ATXN2: variants seen among roughly 807,000 people sequenced by gnomAD.
ATXN2 encodes the protein ataxin-2.
In ATXN2, 37 loss-of-function variants were observed where a neutral mutation model predicts 138.6. That is an observed-to-expected ratio of 0.27 (90% confidence interval 0.21 to 0.35). The LOEUF (loss-of-function observed/expected upper bound fraction) is 0.35, where lower values mean the gene tolerates loss of function less well. Ranked by LOEUF, ATXN2 falls within the 10% of genes least tolerant of loss-of-function variation. ATXN2 has a pLI of 1.00. For synonymous variants in ATXN2, 549 were observed against 543.7 expected, an observed-to-expected ratio of 1.01 and a Z score of -0.13; for missense variants, 1,216 against 1,480.3, an observed-to-expected ratio of 0.82 and a Z score of 2.93.
intron 10 of ATXN2, among the ~76,000 whole-genome samples, chr12:111,514,685 A>C (rs2135735157): frequency 6.6e-6 from 1 of 151,940 alleles, no homozygotes; most frequent in Non-Finnish European, 1.5e-5. Flanking sequence ...ACGAGGTTTC[A>C]CCATGTTGGC....
At chr12:111,507,649 T>C (rs1039834570) in intron 14 of ATXN2, among the ~76,000 whole-genome samples, 10 of 152,188 alleles carry the variant, frequency 6.6e-5, no homozygotes, top group African/African-American at 2.4e-4. Flanking sequence ...CACCACCCCG[T>C]CTGGGAGGTG....
chr12:111,577,649 G>C (rs1260060362), intron 1 of ATXN2, among the ~76,000 whole-genome samples: 1 of 152,080 alleles, frequency 6.6e-6, no homozygotes, highest in Non-Finnish European at 1.5e-5. Context: ...AGATATTTTT[G>C]ACCAGGCGTG....
At chr12:111,569,943 T>C (rs1283157501) in intron 1 of ATXN2, among the ~76,000 whole-genome samples, 7 of 152,214 alleles carry the variant, frequency 4.6e-5, no homozygotes, top group African/African-American at 9.6e-5. Flanking sequence ...GAAGATGTCC[T>C]ATGTCATGCT....
intron 1 of ATXN2, among the ~76,000 whole-genome samples, chr12:111,566,337 CAGG>C (rs1345364695): frequency 7.3e-5 from 11 of 149,984 alleles, no homozygotes; most frequent in African/African-American, 2.7e-4. Flanking sequence ...GAGGCTGAGG[CAGG>C]AGAATTGCTT....
chr12:111,586,914 T>C lies in ATXN2; in HGVS notation c.251+11870A>G, dbSNP rs577788075. ...ATTGCTTTTCTACTTGCTGCCAATA[T>C]GTACATCAGAAAAGAAAGCTAGATA... is the stretch of plus-strand genomic sequence containing the variant. On this transcript the variant is annotated intron_variant, in intron 1 of 24. Coordinates refer to ENST00000673436, the MANE Select transcript of ATXN2 (RefSeq NM_001372574.1). Among the ~76,000 whole-genome samples the C allele has an allele frequency of 2.6e-5, 4 of 152,204 alleles. No homozygotes were observed. The South Asian group carries it at 8.3e-4, about 32-fold the overall frequency.
At chr12:111,567,358 G>C (rs1214009365) in intron 1 of ATXN2, among the ~76,000 whole-genome samples, 1 of 151,952 alleles carries the variant, frequency 6.6e-6, no homozygotes, top group Non-Finnish European at 1.5e-5. Flanking sequence ...AAATTAGCCT[G>C]GCGTGGTGGC....
rs1472389736 is a variant in ATXN2, at chr12:111,457,254, C to T, written c.3002G>A (p.Ser1001Asn). The T allele has an allele frequency of 6.2e-7, 1 of 1,613,978 alleles. No individual in the cohort carries two copies. Among genetic ancestry groups the T allele is most frequent in the Non-Finnish European group, 8.5e-7 (1 of 1,179,984 alleles). ...PSATPTGQQQ[S>N]QHGGSHPAPS... ...TGCAGGATGACTTCCACCATGTTGG[C>T]TTTGCTGCTGTCCAGTGGGGGTAGC... is the stretch of plus-strand genomic sequence containing the variant. Residue 1001 changes from serine to asparagine, a missense_variant, in exon 22 of 25, where the codon AGC (serine) becomes AAC (asparagine). Ser to Asn is a conservative substitution (Grantham distance 46). This residue lies in a region of ATXN2 where 490 missense variants were observed against 653.5 expected (regional missense o/e 0.75). Transcript: ENST00000673436.
At position 111,483,385 on chromosome 12, in the gene ATXN2, T is replaced by TA. The variant is rs545414964; in HGVS notation, c.2524+1879dup. Among the ~76,000 whole-genome samples the TA allele has an allele frequency of 4.8e-3, 707 of 147,888 alleles. 2 individuals carry two copies. Among genetic ancestry groups the TA allele is most frequent in the South Asian group, 0.019 (88 of 4,694 alleles). ...CTATAGTTTCTCAACTGATAGCAGT[T>TA]AATCACTCTAAATTAACTGGTTGGC... On this transcript the variant is annotated intron_variant, in intron 18 of 24. Transcript: ENST00000673436.
intron 14 of ATXN2, among the ~76,000 whole-genome samples, chr12:111,496,550 AAAAAT>A: frequency 6.6e-6 from 1 of 152,224 alleles, no homozygotes; most frequent in East Asian, 1.9e-4. Flanking sequence ...AAACAAAAAT[AAAAAT>A]AAAATAAAAT....
At chr12:111,538,244 T>C (rs1402209806) in intron 5 of ATXN2, among the ~76,000 whole-genome samples, 1 of 152,216 alleles carries the variant, frequency 6.6e-6, no homozygotes, top group Non-Finnish European at 1.5e-5. Context: ...CAGTATTTAT[T>C]TTCCTTACTA....
chr12:111,455,827 C>G, intron 23 of ATXN2: 1 of 635,836 alleles, frequency 1.6e-6, no homozygotes, highest in Non-Finnish European at 2.9e-6. Context: ...AAAGGACTGA[C>G]CAATCAGCAC....
chr12:111,519,605 A>C lies in ATXN2; in HGVS notation c.986+274T>G, dbSNP rs542131893. On this transcript the variant is annotated intron_variant, in intron 8 of 24. Transcript: ENST00000673436. The stretch of plus-strand genomic sequence containing the variant: ...CATATTGTACTGCTGTGATTGTTAC[A>C]CGTGTCCCCCACCAGATAACTATTT... 7.2e-5 allele frequency among the ~76,000 whole-genome samples: 11 copies of C among 152,242 alleles called. No homozygotes were observed. The East Asian group carries it at 2.1e-3, about 29-fold the overall frequency.
chr12:111,455,496 A>C lies in ATXN2; in HGVS notation c.3270+533T>G, dbSNP rs545675880. On this transcript the variant is annotated intron_variant, in intron 23 of 24. Coordinates refer to ENST00000673436, the MANE Select transcript of ATXN2 (RefSeq NM_001372574.1). ...TCTAGTTACACTGCACCAATGTCCA[A>C]GGCCAAGCCCTCTCAAGAGTACAAC... 6.5e-5 allele frequency: 19 copies of C among 290,860 alleles called. No homozygotes were observed. The South Asian group carries it at 7.2e-4, about 11-fold the overall frequency. 18.0% of individuals were successfully genotyped at this position (290,860 alleles called of 1,614,324 possible).
chr12:111,561,202 G>A (rs1341750383), intron 1 of ATXN2, among the ~76,000 whole-genome samples: 2 of 150,722 alleles, frequency 1.3e-5, no homozygotes, highest in East Asian at 3.9e-4. Flanking sequence ...AAAAATAAAT[G>A]AACAGTCTCT....
chr12:111,486,883 T>C, intron 15 of ATXN2, 59 bp from the exon 16 acceptor site: 1 of 1,403,574 alleles, frequency 7.1e-7, no homozygotes, highest in Non-Finnish European at 1.0e-6. Context: ...TCTAAAATCT[T>C]CCATACCTGA....
At chr12:111,465,651 T>TC (rs1225755842) in intron 20 of ATXN2, among the ~76,000 whole-genome samples, 1 of 150,202 alleles carries the variant, frequency 6.7e-6, no homozygotes, top group African/African-American at 2.5e-5. Flanking sequence ...ACACCTGTAG[T>TC]CCCACCTACT....
chr12:111,453,076 G>T lies in ATXN2; in HGVS notation c.3440-236C>A. On this transcript the variant is annotated intron_variant, in intron 24 of 24. Transcript: ENST00000673436. This position sits in a 1 kb window ranked among gnomAD's most constrained non-coding sequence, Gnocchi z 5.4. ...TAAAACTCCCAGAAGACTTGTTCAT[G>T]GGGTAGAAAAAAAGGCCTTAACAAA... The T allele has an allele frequency of 7.8e-7, 1 of 1,285,044 alleles. No individual in the cohort carries two copies. Among genetic ancestry groups the T allele is most frequent in the Non-Finnish European group, 9.8e-7 (1 of 1,018,028 alleles). The allele number at this position is 1,285,044 out of a possible 1,614,324, so 79.6% of individuals were successfully genotyped here. A position where few individuals can be genotyped will look rare whatever the true frequency, so the allele number is the denominator to read the frequency against.
At chr12:111,494,423 CTCTT>C (rs1235776500) in intron 14 of ATXN2, among the ~76,000 whole-genome samples, 3 of 147,184 alleles carry the variant, frequency 2.0e-5, no homozygotes, top group East Asian at 2.0e-4. Context: ...CTTATGTGAT[CTCTT>C]TTTTTTTTTT....
intron 1 of ATXN2, among the ~76,000 whole-genome samples, chr12:111,584,688 G>A (rs1014004211): frequency 2.0e-4 from 31 of 151,902 alleles, no homozygotes; most frequent in Admixed American, 7.2e-4. Context: ...AAATTAGGCC[G>A]GGCACAGGGG....
Sources: allele counts gnomAD v4.1 joint callset (sites outside exome capture counted in the v4.1 genomes callset), GRCh38; gene constraint gnomAD v4.1.1; regional missense constraint gnomAD v4.1.1; non-coding constraint Gnocchi (gnomAD v3.1); transcripts MANE v1.5; gene names NCBI Gene and HGNC (gene_info 2026-07-23, HGNC 2026-07-21).